The following PDE6A variants were observed in gnomAD, a reference collection of about 807,000 sequenced individuals.
PDE6A encodes the protein phosphodiesterase 6A.
Under a neutral mutation model 106.3 loss-of-function variants are expected in PDE6A, and 84 were observed. That is an observed-to-expected ratio of 0.79 (90% CI 0.66 to 0.95). PDE6A has a LOEUF of 0.95. Ranked by LOEUF, PDE6A falls within the 40% of genes least tolerant of loss-of-function variation. The pLI, the probability that PDE6A is intolerant of heterozygous loss-of-function variation, is 0.00. For synonymous variants in PDE6A, 394 were observed against 386.6 expected (o/e 1.02, Z -0.23); for missense variants, 1,052 against 1,084.9 (o/e 0.97, Z 0.43).
chr5:149,868,239 C>T, intron 17 of PDE6A, 81 bp from the exon 18 acceptor site: 1 of 1,351,630 alleles, frequency 7.4e-7, no homozygotes, highest in Non-Finnish European at 1.1e-6. Flanking sequence ...TCTCACCTTT[C>T]TCCACCCCCA....
intron 5 of PDE6A, among the ~76,000 whole-genome samples, chr5:149,919,216 A>G (rs1753635787): frequency 1.3e-5 from 2 of 152,088 alleles, no homozygotes; most frequent in South Asian, 4.2e-4. Context: ...TTAGAAATGG[A>G]CATTTCTAGG....
At chr5:149,924,418 T>C (rs374700594) in intron 4 of PDE6A, among the ~76,000 whole-genome samples, 1 of 150,266 alleles carries the variant, frequency 6.7e-6, no homozygotes, top group Non-Finnish European at 1.5e-5. Flanking sequence ...AATAGATATA[T>C]ATATATTTAG....
chr5:149,868,605 C>T (rs1310829162), intron 17 of PDE6A, among the ~76,000 whole-genome samples: 1 of 152,158 alleles, frequency 6.6e-6, no homozygotes, highest in Non-Finnish European at 1.5e-5. Flanking sequence ...CTTCAGAGTC[C>T]CTTTGCTCTT....
Position 149,896,521 on chromosome 5 carries a change from C to G in PDE6A, c.1474-19G>C. On this transcript the variant is annotated intron_variant, in intron 11 of 21. Transcript: ENST00000255266. ...CCGCTTGCTGTATAAGGAATAGAGT[C>G]AGGTGATTAGGAAACATGAAGTGTT... 1 of 1,614,096 alleles carries G rather than the reference C, an allele frequency of 6.2e-7. No homozygotes were observed. Among genetic ancestry groups the G allele is most frequent in the Non-Finnish European group, 8.5e-7 (1 of 1,180,040 alleles).
intron 3 of PDE6A, 58 bp downstream of exon 3, chr5:149,933,872 C>T (rs879921125): frequency 1.0e-5 from 13 of 1,275,376 alleles, no homozygotes; most frequent in Non-Finnish European, 1.5e-5. Context: ...GTCCTGACCA[C>T]ATCAATGCTT....
At chr5:149,896,211 C>T (rs1034866125) in intron 12 of PDE6A, 145 bp downstream of exon 12, 1 of 677,762 alleles carries the variant, frequency 1.5e-6, no homozygotes, top group Non-Finnish European at 2.5e-6. Context: ...ATAAATGACT[C>T]ATCTGTGCAA....
intron 6 of PDE6A, among the ~76,000 whole-genome samples, chr5:149,911,202 T>G (rs1484456765): frequency 6.6e-6 from 1 of 152,154 alleles, no homozygotes; most frequent in Non-Finnish European, 1.5e-5. Context: ...TCAATTGGCA[T>G]GATGATGAAG....
intron 7 of PDE6A, 22 bp from the exon 8 acceptor site, chr5:149,903,717 A>G (rs1753073978): frequency 6.2e-7 from 1 of 1,609,082 alleles, no homozygotes; most frequent in African/African-American, 1.3e-5. Context: ...GAAGGGGAAT[A>G]ATGAAGGTGT....
At chr5:149,870,308 T>G (rs1387999854) in intron 17 of PDE6A, among the ~76,000 whole-genome samples, 1 of 152,238 alleles carries the variant, frequency 6.6e-6, no homozygotes, top group African/African-American at 2.4e-5. Flanking sequence ...AAGTAAGCTT[T>G]CAGAAGTGCA....
intron 8 of PDE6A, among the ~76,000 whole-genome samples, chr5:149,900,366 A>AATATATATATATATATATATATATAT (rs1256037154): frequency 3.9e-4 from 5 of 12,792 alleles, no homozygotes; most frequent in East Asian, 4.5e-3. Context: ...CATCTCGAAA[A>AATATATATATATATATATATATATAT]ATATATATGT....
At chr5:149,867,611 GA>G (rs1760377916) in intron 19 of PDE6A, 113 bp downstream of exon 19, 3 of 940,790 alleles carry the variant, frequency 3.2e-6, no homozygotes, top group Non-Finnish European at 5.1e-6. Context: ...ACTGCATTAG[GA>G]AAAGGTCATC....
chr5:149,903,768 A>G, intron 7 of PDE6A, 73 bp from the exon 8 acceptor site: 1 of 1,067,454 alleles, frequency 9.4e-7, no homozygotes, highest in Non-Finnish European at 1.5e-6. Flanking sequence ...ACTGTATACC[A>G]TTTTCAGAAA....
At chr5:149,914,697 G>A (rs887913214) in intron 6 of PDE6A, among the ~76,000 whole-genome samples, 1 of 147,242 alleles carries the variant, frequency 6.8e-6, no homozygotes, top group African/African-American at 2.5e-5. Context: ...ACATTAATCA[G>A]TTATTTTTCT....
rs565860687 is a variant in PDE6A at position 149,932,720 on chromosome 5, A to G, written c.717+1210T>C. 3.2e-5 allele frequency: 48 copies of G among 1,487,406 alleles called. No homozygotes were observed. The Admixed American group carries it at 7.5e-4, about 23-fold the overall frequency. 92.1% of individuals were successfully genotyped at this position (1,487,406 alleles called of 1,614,324 possible). ...TGCCCCACTCACCAAATGTGTACCA[A>G]CTACTGCTTGCTGTTTGGCACTGTC... On this transcript the variant is annotated intron_variant, in intron 3 of 21. Transcript: ENST00000255266.
chr5:149,935,276 GTGTGTGTA>G (rs1754149881), intron 1 of PDE6A, among the ~76,000 whole-genome samples: 1 of 152,048 alleles, frequency 6.6e-6, no homozygotes, highest in Non-Finnish European at 1.5e-5. Flanking sequence ...GTGTGTGTGT[GTGTGTGTA>G]TGTGTAACTC....
intron 1 of PDE6A, among the ~76,000 whole-genome samples, chr5:149,936,334 G>T (rs1466776513): frequency 6.6e-6 from 1 of 152,224 alleles, no homozygotes; most frequent in Non-Finnish European, 1.5e-5. Flanking sequence ...AGAGAAGCTT[G>T]TAGTGCTGTA....
intron 4 of PDE6A, among the ~76,000 whole-genome samples, chr5:149,922,895 C>T (rs1231884734): frequency 6.6e-6 from 1 of 152,142 alleles, no homozygotes; most frequent in Non-Finnish European, 1.5e-5. Context: ...ATAATTTGAG[C>T]TCCTACAAAA....
chr5:149,896,913 T>G (rs772927608), intron 10 of PDE6A, 137 bp from the exon 11 acceptor site: 50 of 949,246 alleles, frequency 5.3e-5, no homozygotes, highest in Non-Finnish European at 7.9e-5. Context: ...TAACATCCAT[T>G]GATGCACAAG....
intron 7 of PDE6A, among the ~76,000 whole-genome samples, chr5:149,905,648 A>G (rs1056717535): frequency 1.3e-5 from 2 of 152,078 alleles, no homozygotes; most frequent in Non-Finnish European, 2.9e-5. Context: ...TGCCTCTGTC[A>G]AAGTTGTTGT....
Sources: gnomAD v4.1 joint callset for allele counts (sites outside exome capture counted in the v4.1 genomes callset) on GRCh38, gnomAD v4.1.1 for gene constraint, MANE v1.5 for transcripts, NCBI Gene and HGNC (gene_info 2026-07-23, HGNC 2026-07-21) for gene names.